Variants in LONP2 observed in about 807,000 individuals in gnomAD.
LONP2 encodes the protein lon peptidase 2, peroxisomal.
A neutral mutation model predicts 85.6 loss-of-function variants in LONP2; 60 were observed. The observed-to-expected ratio is 0.70, with a 90% confidence interval of 0.57 to 0.87. The LOEUF (loss-of-function observed/expected upper bound fraction) is 0.87, where lower values mean the gene tolerates loss of function less well. Ranked by LOEUF, LONP2 falls within the 40% of genes least tolerant of loss-of-function variation. The probability of loss-of-function intolerance (pLI) is 0.00; values close to 1 mark genes in which losing one functional copy is unlikely to be tolerated. For missense variants in LONP2, 860 were observed against 1,063.5 expected, an observed-to-expected ratio of 0.81 and a Z score of 2.66; for synonymous variants, 395 against 389.7, an observed-to-expected ratio of 1.01 and a Z score of -0.16.
intron 11 of LONP2, among the ~76,000 whole-genome samples, chr16:48,333,671 GGAGAGAGAGAAA>G (rs1473617161): frequency 2.6e-5 from 4 of 151,360 alleles, no homozygotes; most frequent in Non-Finnish European, 5.9e-5. Flanking sequence ...AGTGTTGGGG[GGAGAGAGAGAAA>G]GAGAGAGAGA....
intron 11 of LONP2, among the ~76,000 whole-genome samples, chr16:48,320,529 A>T (rs77898412): frequency 0.017 from 2,394 of 143,530 alleles, 54 homozygotes; most frequent in African/African-American, 0.058. Flanking sequence ...CAAGATTATT[A>T]AAAAAAAAAA....
chr16:48,257,040 G>A (rs1186452989), intron 3 of LONP2, among the ~76,000 whole-genome samples: 2 of 152,122 alleles, frequency 1.3e-5, no homozygotes, highest in African/African-American at 4.8e-5. Context: ...ATATTTGACT[G>A]GGTGCTCACG....
intron 10 of LONP2, among the ~76,000 whole-genome samples, chr16:48,302,328 ATC>A (rs1972824556): frequency 6.6e-6 from 1 of 152,126 alleles, no homozygotes. Context: ...AGAGCTTTTT[ATC>A]TGTCTTTTCT....
chr16:48,273,716 A>G (rs1052621928), intron 7 of LONP2, among the ~76,000 whole-genome samples: 9 of 152,004 alleles, frequency 5.9e-5, no homozygotes, highest in African/African-American at 1.9e-4. Context: ...TTTAAGATGA[A>G]GTTTTATGAA....
chr16:48,340,557 C>T (rs1470272438), intron 12 of LONP2, among the ~76,000 whole-genome samples: 2 of 152,154 alleles, frequency 1.3e-5, no homozygotes, highest in East Asian at 3.8e-4. Flanking sequence ...AGCAAACTGG[C>T]AGTTGGGAAG....
rs557789514 is a variant in LONP2, at chr16:48,331,422, G to T, written c.1796-2794G>T. On this transcript the variant is annotated intron_variant, in intron 11 of 14. Coordinates refer to ENST00000285737, the MANE Select transcript of LONP2 (RefSeq NM_031490.5). ...GCTATAAAAGAAGTCAGAAAGATCA[G>T]GGAAGCTGTCCCTAGGACTTGGTCA... 1.2e-4 allele frequency among the ~76,000 whole-genome samples: 19 copies of T among 152,274 alleles called. 1 individual carries two copies. In the East Asian group the frequency reaches 3.7e-3, roughly 29 times the overall value.
At chr16:48,358,659 CAA>C (rs533411918), downstream of LONP2, among the ~76,000 whole-genome samples, 456 of 152,012 alleles carry the variant, frequency 3.0e-3, 2 homozygotes, top group African/African-American at 0.011. Context: ...CCCATCTCCA[CAA>C]AAAAATTTAA....
At position 48,351,960 on chromosome 16, in the gene LONP2, T is replaced by A. The variant is rs553526961; in HGVS notation, c.*158T>A. On this transcript the variant is annotated 3_prime_UTR_variant, in exon 15 of 15. Coordinates refer to ENST00000285737, the MANE Select transcript of LONP2 (RefSeq NM_031490.5). The stretch of plus-strand genomic sequence containing the variant: ...CTCAAGTAGTGGCTAGTGTTTAGTA[T>A]AGAAATATAAGATGTTGATTTAGTA... 2 of 617,796 alleles carry A rather than the reference T, an allele frequency of 3.2e-6. No individual in the cohort carries two copies. Among genetic ancestry groups the A allele is most frequent in the African/African-American group, 3.7e-5 (2 of 54,204 alleles). 38.3% of individuals were successfully genotyped at this position (617,796 alleles called of 1,614,324 possible).
Position 48,362,528 on chromosome 16 carries a change from T to C in LONP2, c.*665T>C. 1 of 1,230,446 alleles carries C rather than the reference T, an allele frequency of 8.1e-7. No individual in the cohort carries two copies. The highest frequency in any genetic ancestry group is 2.5e-5 in the East Asian group (1 of 40,654). The allele number at this position is 1,230,446 out of a possible 1,614,324, so 76.2% of individuals were successfully genotyped here. A position where few individuals can be genotyped will look rare whatever the true frequency, so the allele number is the denominator to read the frequency against. ...TGCCATAAGTCCTTTTAAAGTTTCA[T>C]ACAAAATTTACTGAGCAAAAGAGGA... On this transcript the variant is annotated 3_prime_UTR_variant, in exon 5 of 5. Coordinates refer to the LONP2 transcript ENST00000565867. This position sits in a 1 kb window ranked among gnomAD's most constrained non-coding sequence, Gnocchi z 4.2.
rs867141629 is a variant in LONP2 at position 48,308,575 on chromosome 16, C to T, written c.1795+5270C>T. Among the ~76,000 whole-genome samples, 30 of 149,042 alleles carry T rather than the reference C, an allele frequency of 2.0e-4. 2 individuals are homozygous for T. In the Middle Eastern group the frequency reaches 0.025, roughly 122 times the overall value. The stretch of plus-strand genomic sequence containing the variant: ...CCAGGAGGCGGATGGTGCAGTGAGC[C>T]GAGATCGCGCCATTGCACTCCAGTG... On this transcript the variant is annotated intron_variant, in intron 11 of 14. Coordinates refer to ENST00000285737, the MANE Select transcript of LONP2 (RefSeq NM_031490.5).
At chr16:48,323,531 G>A (rs1973308641) in intron 11 of LONP2, among the ~76,000 whole-genome samples, 1 of 151,860 alleles carries the variant, frequency 6.6e-6, no homozygotes, top group African/African-American at 2.4e-5. Flanking sequence ...TGGTGCACAC[G>A]CCTGTTGTCC....
chr16:48,358,684 G>C (rs758130013), downstream of LONP2, among the ~76,000 whole-genome samples: 7 of 152,078 alleles, frequency 4.6e-5, no homozygotes, highest in Non-Finnish European at 8.8e-5. Flanking sequence ...AGCCAAGCAT[G>C]ATGCCATACA....
chr16:48,262,802 G>T lies in LONP2; in HGVS notation c.912G>T (p.Met304Ile). The change falls in exon 6 of 15, where the codon ATG becomes ATT. Residue 304 changes from methionine (M) to isoleucine (I), a missense_variant. Met to Ile is a conservative substitution (Grantham distance 10). Coordinates refer to ENST00000285737, the MANE Select transcript of LONP2 (RefSeq NM_031490.5). The stretch of plus-strand genomic sequence containing the variant: ...GACTCAAAAAAATGCCTCAGTCAAT[G>T]CCAGAATATGCTCTGACTAGAAATT... The part of the protein sequence containing the change: ...IKRLKKMPQS[M>I]PEYALTRNYL... 2 of 1,610,980 alleles carry T rather than the reference G, an allele frequency of 1.2e-6. No individual in the cohort carries two copies. Among genetic ancestry groups the T allele is most frequent in the Non-Finnish European group, 1.7e-6 (2 of 1,178,338 alleles).
Position 48,352,215 on chromosome 16 carries a change from A to G in LONP2, c.*413A>G. On this transcript the variant is annotated 3_prime_UTR_variant, in exon 15 of 15. Coordinates refer to ENST00000285737, the MANE Select transcript of LONP2 (RefSeq NM_031490.5). ...AGCCTTCCAGGTAATTCTGCTGCAC[A>G]CTCAAGTTCAGGAACCACCGGTATA... 5.2e-6 allele frequency: 1 copy of G among 191,706 alleles called. No homozygotes were observed. Among genetic ancestry groups the G allele is most frequent in the East Asian group, 1.3e-4 (1 of 7,834 alleles). The allele number at this position is 191,706 out of a possible 1,614,324, so 11.9% of individuals were successfully genotyped here. A position where few individuals can be genotyped will look rare whatever the true frequency, so the allele number is the denominator to read the frequency against.
chr16:48,326,343 C>A (rs1959237622), intron 11 of LONP2, among the ~76,000 whole-genome samples: 1 of 152,188 alleles, frequency 6.6e-6, no homozygotes, highest in African/African-American at 2.4e-5. Context: ...CATCCCTAAC[C>A]CACAGGCATT....
intron 12 of LONP2, among the ~76,000 whole-genome samples, chr16:48,337,567 C>T (rs887284544): frequency 2.6e-5 from 4 of 152,056 alleles, no homozygotes; most frequent in African/African-American, 9.7e-5. Flanking sequence ...TGACCAACTC[C>T]AAACCTAGTG....
chr16:48,271,518 A>G lies in LONP2; in HGVS notation c.1241+1244A>G, dbSNP rs1029637233. 2.0e-5 allele frequency among the ~76,000 whole-genome samples: 3 copies of G among 152,302 alleles called. No individual in the cohort carries two copies. In the South Asian group the frequency reaches 6.2e-4, roughly 32 times the overall value. On this transcript the variant is annotated intron_variant, in intron 7 of 14. Coordinates refer to ENST00000285737, the MANE Select transcript of LONP2 (RefSeq NM_031490.5). ...GACAGGGATGGGAAACTGTTTCAGA[A>G]ACTTTTCTATAAGAAATGGTTATTT...
chr16:48,323,436 C>T (rs986935750), intron 11 of LONP2, among the ~76,000 whole-genome samples: 1 of 152,146 alleles, frequency 6.6e-6, no homozygotes, highest in Admixed American at 6.5e-5. Flanking sequence ...GGGTGGATTA[C>T]TTAAGCTCAG....
chr16:48,336,857 G>A (rs1034475702), intron 12 of LONP2, among the ~76,000 whole-genome samples: 3 of 152,162 alleles, frequency 2.0e-5, no homozygotes, highest in East Asian at 1.9e-4. Context: ...GCCTGACATC[G>A]TGTTTTGAGT....
Sources: allele counts gnomAD v4.1 joint callset (sites outside exome capture counted in the v4.1 genomes callset), GRCh38; gene constraint gnomAD v4.1.1; non-coding constraint Gnocchi (gnomAD v3.1); transcripts MANE v1.5; gene names NCBI Gene and HGNC (gene_info 2026-07-23, HGNC 2026-07-21).